Variants in MRC1 observed in about 807,000 individuals in gnomAD.
The protein encoded by MRC1 is mannose receptor C-type 1, also known as macrophage mannose receptor 1.
In MRC1, 62 loss-of-function variants were observed where a neutral mutation model predicts 102.9. That is an observed-to-expected ratio of 0.60 (90% CI 0.49 to 0.74). MRC1 has a LOEUF of 0.74. Among genes scored for constraint, MRC1 ranks in the 30% least tolerant of loss-of-function variants. MRC1 has a pLI of 0.00. For synonymous variants in MRC1, 457 were observed against 298.4 expected (o/e 1.53, Z -5.48); for missense variants, 1,237 against 862.8 (o/e 1.43, Z -5.43).
chr10:17,882,195 G>A (rs957633766), intron 21 of MRC1, among the ~76,000 whole-genome samples: 1 of 152,110 alleles, frequency 6.6e-6, no homozygotes, highest in African/African-American at 2.4e-5. Context: ...AGACTAAACT[G>A]ATGAAGGGTT....
intron 2 of MRC1, among the ~76,000 whole-genome samples, chr10:17,824,408 C>T (rs963953457): frequency 2.6e-5 from 4 of 152,142 alleles, no homozygotes; most frequent in South Asian, 4.1e-4. Context: ...TGCTATGTTA[C>T]GGGGCTACTA....
chr10:17,815,642 G>A (rs1424232068), intron 1 of MRC1, among the ~76,000 whole-genome samples: 1 of 152,016 alleles, frequency 6.6e-6, no homozygotes, highest in Non-Finnish European at 1.5e-5. Context: ...AGAGTTTCTT[G>A]GCCTCTGTTT....
intron 1 of MRC1, among the ~76,000 whole-genome samples, chr10:17,815,583 G>T (rs185486145): frequency 6.6e-6 from 1 of 152,094 alleles, no homozygotes. Context: ...GAATGGCCCC[G>T]GGAAGGTGTA....
At chr10:17,874,110 C>T (rs1185510900) in intron 16 of MRC1, among the ~76,000 whole-genome samples, 2 of 152,184 alleles carry the variant, frequency 1.3e-5, no homozygotes, top group African/African-American at 2.4e-5. Context: ...GCTGCTGTAA[C>T]CAGTTACCAG....
At chr10:17,907,149 A>G in intron 27 of MRC1, 150 bp downstream of exon 27, 1 of 660,392 alleles carries the variant, frequency 1.5e-6, no homozygotes, top group South Asian at 1.8e-5. Context: ...AAGAACTGAA[A>G]TTTAAAATGA....
At chr10:17,909,461 T>C (rs1833940118) in intron 29 of MRC1, 114 bp downstream of exon 29, 1 of 730,104 alleles carries the variant, frequency 1.4e-6, no homozygotes, top group Admixed American at 2.1e-5. Context: ...TAGAATTTGC[T>C]TAAGCTAAAC....
chr10:17,810,333 G>T (rs1397436017), intron 1 of MRC1, among the ~76,000 whole-genome samples: 2 of 152,018 alleles, frequency 1.3e-5, no homozygotes, highest in Admixed American at 6.5e-5. Context: ...TTGATTTTTT[G>T]ATTTCTGATC....
At chr10:17,834,027 T>C (rs1838623163) in intron 4 of MRC1, among the ~76,000 whole-genome samples, 188 bp downstream of exon 4, 2 of 152,236 alleles carry the variant, frequency 1.3e-5, no homozygotes, top group Admixed American at 1.3e-4. Context: ...TCTCATTTCC[T>C]GTGCCAACTA....
rs1311672355 is a variant in MRC1 at position 17,863,652 on chromosome 10, C to T, written c.1753C>T (p.Arg585Trp). 7.7e-6 allele frequency: 6 copies of T among 780,672 alleles called. No homozygotes were observed. Among genetic ancestry groups the T allele is most frequent in the African/African-American group, 1.7e-5 (1 of 59,120 alleles). 48.4% of individuals were successfully genotyped at this position (780,672 alleles called of 1,614,324 possible). Residue 585 changes from arginine (R) to tryptophan (W), a missense_variant, in exon 11 of 30, where the codon CGG becomes TGG. Coordinates refer to ENST00000569591, the MANE Select transcript of MRC1 (RefSeq NM_002438.4). ...TFQWTIEEEVRFTHWNSDMPG... is the reference protein window; with the variant it reads ...TFQWTIEEEVWFTHWNSDMPG... ...TCAGTGGACCATCGAGGAAGAGGTTCGGTTCACCCACTGGAATTCAGATAT... is the reference window on the plus strand; with the variant it reads ...TCAGTGGACCATCGAGGAAGAGGTTTGGTTCACCCACTGGAATTCAGATAT...
At chr10:17,871,164 G>C (rs940733780) in intron 14 of MRC1, among the ~76,000 whole-genome samples, 6 of 152,008 alleles carry the variant, frequency 3.9e-5, no homozygotes, top group Non-Finnish European at 8.8e-5. Context: ...TAATGATTAG[G>C]CTTCGTCAGA....
chr10:17,821,533 A>G (rs1234701061), intron 1 of MRC1, among the ~76,000 whole-genome samples: 1 of 152,072 alleles, frequency 6.6e-6, no homozygotes, highest in Non-Finnish European at 1.5e-5. Flanking sequence ...TTTTTTAAAG[A>G]TGAGATGATC....
At chr10:17,905,799 C>T (rs1417100438) in intron 26 of MRC1, among the ~76,000 whole-genome samples, 1 of 152,112 alleles carries the variant, frequency 6.6e-6, no homozygotes, top group Non-Finnish European at 1.5e-5. Flanking sequence ...ATGATCTTCC[C>T]TCTGCTACTG....
Position 17,910,759 on chromosome 10 carries a change from G to A in MRC1, c.*294G>A, listed in dbSNP as rs1359938994. 4.8e-6 allele frequency: 2 copies of A among 413,388 alleles called. No homozygotes were observed. The highest frequency in any genetic ancestry group is 4.1e-5 in the African/African-American group (2 of 49,194). 25.6% of individuals were successfully genotyped at this position (413,388 alleles called of 1,614,324 possible). A position where few individuals can be genotyped will look rare whatever the true frequency, so the allele number is the denominator to read the frequency against. Reference sequence around the variant, plus strand: ...TGGGTAGCTGATGTCAGCTTCATGTGGATTTTAAGCACTCTAGAAACAATG... The same window carrying A: ...TGGGTAGCTGATGTCAGCTTCATGTAGATTTTAAGCACTCTAGAAACAATG... On this transcript the variant is annotated 3_prime_UTR_variant, in exon 30 of 30. Coordinates refer to ENST00000569591, the MANE Select transcript of MRC1 (RefSeq NM_002438.4).
intron 11 of MRC1, 33 bp from the exon 12 acceptor site, chr10:17,866,529 T>C: frequency 1.3e-6 from 1 of 780,866 alleles, no homozygotes; most frequent in Non-Finnish European, 2.4e-6. Context: ...CAGGCACCTG[T>C]CAAGTGAATT....
At chr10:17,833,985 C>G in intron 4 of MRC1, 146 bp downstream of exon 4, 2 of 634,670 alleles carry the variant, frequency 3.2e-6, no homozygotes, top group Non-Finnish European at 5.7e-6. Context: ...CAAATCTGTA[C>G]TCTGAAAATG....
intron 21 of MRC1, 121 bp downstream of exon 21, chr10:17,881,302 G>GA (rs1188726200): frequency 1.4e-6 from 1 of 702,326 alleles, no homozygotes; most frequent in Non-Finnish European, 2.6e-6. Context: ...TAAAAAAGTG[G>GA]AAAAAATCAA....
chr10:17,853,008 A>T lies in MRC1; in HGVS notation c.1291A>T (p.Ile431Phe). ...GTGGATCGGCTTAAATGACATTAAG[A>T]TTCAAATGTACTTTGAGTGGAGTGA... ...ELWIGLNDIK[I>F]QMYFEWSDGT... The change falls in exon 8 of 30, where the codon ATT becomes TTT. Residue 431 changes from isoleucine to phenylalanine, a missense_variant. Coordinates refer to ENST00000569591, the MANE Select transcript of MRC1 (RefSeq NM_002438.4). The T allele has an allele frequency of 1.3e-6, 1 of 780,842 alleles. No homozygotes were observed. The highest frequency in any genetic ancestry group is 2.4e-6 in the Non-Finnish European group (1 of 417,956). The allele number at this position is 780,842 out of a possible 1,614,324, so 48.4% of individuals were successfully genotyped here. A position where few individuals can be genotyped will look rare whatever the true frequency, so the allele number is the denominator to read the frequency against.
intron 2 of MRC1, 97 bp from the exon 3 acceptor site, chr10:17,827,445 A>AAG: frequency 1.4e-6 from 1 of 714,180 alleles, no homozygotes; most frequent in South Asian, 1.4e-5. Context: ...GTGTAATCAG[A>AAG]ACAGTAAGAC....
chr10:17,825,355 A>G (rs1057135241), intron 2 of MRC1, among the ~76,000 whole-genome samples: 28,960 of 152,118 alleles, frequency 0.19, 3,349 homozygotes, highest in Non-Finnish European at 0.25. Context: ...AATTGACTGC[A>G]GTTACATGAT....
Sources: allele counts gnomAD v4.1 joint callset (sites outside exome capture counted in the v4.1 genomes callset), GRCh38; gene constraint gnomAD v4.1.1; transcripts MANE v1.5; gene names NCBI Gene and HGNC (gene_info 2026-07-23, HGNC 2026-07-21).